Variants in ZNF532 observed in about 807,000 individuals in gnomAD.
The protein encoded by ZNF532 is zinc finger protein 532.
ZNF532 carries 22 observed loss-of-function variants against 89.3 expected under a neutral mutation model. The observed-to-expected ratio is 0.25, with a 90% CI of 0.18 to 0.35. The LOEUF is 0.35. Ranked by LOEUF, ZNF532 falls within the 10% of genes least tolerant of loss-of-function variation. The pLI is 1.00. For missense variants in ZNF532, 1,132 were observed against 1,643.4 expected, an observed-to-expected ratio of 0.69 and a Z score of 5.38; for synonymous variants, 606 against 649.6, an observed-to-expected ratio of 0.93 and a Z score of 1.02.
intron 2 of ZNF532, among the ~76,000 whole-genome samples, chr18:58,900,141 G>A (rs567665349): frequency 2.0e-5 from 3 of 152,300 alleles, no homozygotes; most frequent in South Asian, 2.1e-4. Flanking sequence ...AGAGCTGCCC[G>A]GGAGGTCTGT....
intron 4 of ZNF532, among the ~76,000 whole-genome samples, 175 bp from the exon 5 acceptor site, chr18:58,939,270 A>C (rs887286858): frequency 4.7e-5 from 7 of 147,678 alleles, no homozygotes; most frequent in African/African-American, 1.5e-4. Flanking sequence ...AAAAAAAAAA[A>C]AAAAACCCAT....
intron 2 of ZNF532, among the ~76,000 whole-genome samples, chr18:58,871,423 G>A (rs1183074153): frequency 1.3e-5 from 2 of 152,168 alleles, no homozygotes; most frequent in Non-Finnish European, 2.9e-5. Context: ...CCGAAATGAT[G>A]AGAGGAGCTG....
At chr18:58,875,931 C>CTT (rs71173091) in intron 2 of ZNF532, among the ~76,000 whole-genome samples, 34,067 of 112,454 alleles carry the variant, frequency 0.3, 6,683 homozygotes, top group East Asian at 0.49. Context: ...ACTTGGGGAT[C>CTT]TTTTTTTTTT....
intron 5 of ZNF532, among the ~76,000 whole-genome samples, chr18:58,941,990 C>CCCTCCTTCCCTT (rs1555739645): frequency 8.0e-6 from 1 of 125,658 alleles, no homozygotes; most frequent in Admixed American, 8.1e-5. Flanking sequence ...TTCCCTCCTT[C>CCCTCCTTCCCTT]CCTTCCTTCC....
chr18:58,939,269 A>C (rs1233682704), intron 4 of ZNF532, among the ~76,000 whole-genome samples, 176 bp from the exon 5 acceptor site: 1 of 146,924 alleles, frequency 6.8e-6, no homozygotes, highest in African/African-American at 2.5e-5. Flanking sequence ...AAAAAAAAAA[A>C]AAAAAACCCA....
At chr18:58,957,406 C>CATATATAT (rs58182199) in intron 7 of ZNF532, among the ~76,000 whole-genome samples, 1,585 of 138,790 alleles carry the variant, frequency 0.011, 45 homozygotes, top group East Asian at 0.1. Context: ...ACTTAAAATA[C>CATATATAT]ATATATATAT....
At chr18:58,981,707 G>T in intron 9 of ZNF532, 90 bp downstream of exon 9, 1 of 1,536,658 alleles carries the variant, frequency 6.5e-7, no homozygotes, top group Non-Finnish European at 8.8e-7. Flanking sequence ...TTGTTGCATA[G>T]TTACAGTTTT....
chr18:58,908,410 G>A (rs771582051), intron 2 of ZNF532, among the ~76,000 whole-genome samples: 5 of 152,160 alleles, frequency 3.3e-5, no homozygotes, highest in Admixed American at 1.3e-4. Context: ...AATGACGAGA[G>A]TGTAGATCGG....
At position 58,940,964 on chromosome 18, in the gene ZNF532, T is replaced by A. The variant is rs1263224749; in HGVS notation, c.2705+1343T>A. Among the ~76,000 whole-genome samples the A allele has an allele frequency of 6.5e-3, 295 of 45,522 alleles. 1 individual carries two copies. The highest frequency in any genetic ancestry group is 0.017 in the Middle Eastern group (1 of 58). The allele number at this position is 45,522 out of a possible 152,430, so 29.9% of individuals were successfully genotyped here. On this transcript the variant is annotated intron_variant, in intron 5 of 9. Coordinates refer to ENST00000591808, the MANE Select transcript of ZNF532 (RefSeq NM_001375912.1). ...CACACACACACACACACACACTCTT[T>A]CTCTCTCTCTCTCTCTCTCTCTCTC...
Position 58,962,433 on chromosome 18 carries a change from G to A in ZNF532, c.3150+8634G>A, listed in dbSNP as rs542529209. ...TCACAGTTAATCTAATTTGTGGATCGAAACAGAACTTCTAGGAAGAAGTCC... is the reference window on the plus strand; with the variant it reads ...TCACAGTTAATCTAATTTGTGGATCAAAACAGAACTTCTAGGAAGAAGTCC... On this transcript the variant is annotated intron_variant, in intron 7 of 9. Coordinates refer to ENST00000591808, the MANE Select transcript of ZNF532 (RefSeq NM_001375912.1). Among the ~76,000 whole-genome samples, 27 of 152,236 alleles carry A rather than the reference G, an allele frequency of 1.8e-4. No individual in the cohort carries two copies. The East Asian group carries it at 3.5e-3, about 20-fold the overall frequency.
intron 7 of ZNF532, among the ~76,000 whole-genome samples, chr18:58,965,934 A>G (rs1361139627): frequency 6.6e-6 from 1 of 151,920 alleles, no homozygotes; most frequent in Non-Finnish European, 1.5e-5. Context: ...CCCTTTCTTG[A>G]CTCCAGGAGT....
In ZNF532 at chr18:58,915,170, T is replaced by C. The variant is rs572191775; in HGVS notation, c.-17-3101T>C. Among the ~76,000 whole-genome samples the C allele has an allele frequency of 2.8e-4, 43 of 152,304 alleles. No homozygotes were observed. In the South Asian group the frequency reaches 8.1e-3, roughly 29 times the overall value. Reference sequence around the variant, plus strand: ...AGAGTGGTATCCATTCCATTAGTTATACAACCCCAGAGAGGGGAGTCCAGG... The same window carrying C: ...AGAGTGGTATCCATTCCATTAGTTACACAACCCCAGAGAGGGGAGTCCAGG... On this transcript the variant is annotated intron_variant, in intron 2 of 9. Coordinates refer to ENST00000591808, the MANE Select transcript of ZNF532 (RefSeq NM_001375912.1).
In ZNF532 at chr18:58,919,247, C is replaced by T. The variant is rs2060843736; in HGVS notation, c.960C>T (p.Leu320=). The T allele has an allele frequency of 1.9e-6, 3 of 1,613,974 alleles. No individual in the cohort carries two copies. The Admixed American group carries it at 5.0e-5, about 27-fold the overall frequency. Residue 320 remains leucine, a synonymous_variant, in exon 3 of 10, where the codon CTC becomes CTT. Coordinates refer to ENST00000591808, the MANE Select transcript of ZNF532 (RefSeq NM_001375912.1). The surrounding 1 kb of genome is among the most constrained non-coding windows in gnomAD (Gnocchi z 6.1). ...ACAAGTCTCCTGAATCCCAGAATCT[C>T]ATCGACGGGACCAAAAAACCATCCC... ...AADKSPESQN[L]IDGTKKPSLK... is the part of the protein sequence containing the mutation.
Position 58,934,392 on chromosome 18 carries a change from C to T in ZNF532, c.2347-41C>T, listed in dbSNP as rs777118323. ...AAGGTTCTTTGCATATTAGAAAGTACTTAGTAGGACCAACCCTGTTTCCCC... is the reference window on the plus strand; with the variant it reads ...AAGGTTCTTTGCATATTAGAAAGTATTTAGTAGGACCAACCCTGTTTCCCC... On this transcript the variant is annotated intron_variant, in intron 3 of 9. Coordinates refer to ENST00000591808, the MANE Select transcript of ZNF532 (RefSeq NM_001375912.1). 3 of 1,581,944 alleles carry T rather than the reference C, an allele frequency of 1.9e-6. No homozygotes were observed. In the South Asian group the frequency reaches 3.4e-5, roughly 18 times the overall value.
intron 5 of ZNF532, among the ~76,000 whole-genome samples, chr18:58,942,168 G>A (rs558225803): frequency 1.6e-4 from 24 of 151,398 alleles, no homozygotes; most frequent in South Asian, 6.3e-4. Context: ...GACTACAGGC[G>A]CCCACCACCA....
intron 3 of ZNF532, among the ~76,000 whole-genome samples, chr18:58,924,660 A>G (rs183904451): frequency 2.6e-5 from 4 of 152,312 alleles, no homozygotes; most frequent in South Asian, 2.1e-4. Flanking sequence ...GTTCCCCACA[A>G]TGGTAACATC....
At chr18:58,964,579 G>GTGTA (rs1568437210) in intron 7 of ZNF532, among the ~76,000 whole-genome samples, 1 of 126,078 alleles carries the variant, frequency 7.9e-6, no homozygotes, top group East Asian at 2.3e-4. Flanking sequence ...GTGTGTGTGT[G>GTGTA]TATACACAGT....
intron 2 of ZNF532, among the ~76,000 whole-genome samples, chr18:58,894,908 T>C (rs878899636): frequency 6.6e-6 from 1 of 152,184 alleles, no homozygotes; most frequent in Non-Finnish European, 1.5e-5. Context: ...AGGAGGATCA[T>C]GTGAGCCCAG....
intron 2 of ZNF532, among the ~76,000 whole-genome samples, chr18:58,904,944 C>A (rs897487224): frequency 1.3e-5 from 2 of 151,476 alleles, no homozygotes; most frequent in African/African-American, 4.9e-5. Flanking sequence ...AGAGTTCTAG[C>A]AGTTCTCGTG....
Sources: allele counts gnomAD v4.1 joint callset (sites outside exome capture counted in the v4.1 genomes callset), GRCh38; gene constraint gnomAD v4.1.1; non-coding constraint Gnocchi (gnomAD v3.1); transcripts MANE v1.5; gene names NCBI Gene and HGNC (gene_info 2026-07-23, HGNC 2026-07-21).